RGL1: variants seen among roughly 807,000 people sequenced by gnomAD.
The protein encoded by RGL1 is ral guanine nucleotide dissociation stimulator like 1.
A neutral mutation model predicts 95.2 loss-of-function variants in RGL1; 24 were observed. The observed-to-expected ratio is 0.25, with a 90% CI of 0.18 to 0.35. The LOEUF (loss-of-function observed/expected upper bound fraction) is 0.35. Ranked by LOEUF, RGL1 falls within the 10% of genes least tolerant of loss-of-function variation. The pLI is 1.00. For synonymous variants in RGL1, 329 were observed against 344.9 expected, an observed-to-expected ratio of 0.95 and a Z score of 0.51; for missense variants, 715 against 936.3, an observed-to-expected ratio of 0.76 and a Z score of 3.08.
Position 183,904,761 on chromosome 1 carries a change from G to C in RGL1, c.1351-89G>C, listed in dbSNP as rs559603659. 1,059 of 1,319,216 alleles carry C rather than the reference G, an allele frequency of 8.0e-4. 7 individuals carry two copies. The Middle Eastern group carries it at 0.019, about 24-fold the overall frequency. The allele number at this position is 1,319,216 out of a possible 1,614,324, so 81.7% of individuals were successfully genotyped here. On this transcript the variant is annotated intron_variant, in intron 12 of 17. Coordinates refer to ENST00000360851, the MANE Select transcript of RGL1 (RefSeq NM_001297671.3). ...TTTTCTTCATCTTTTATCCTAATGTGGTATATTTTCATGTTGAAAGATTCT... is the reference window on the plus strand; with the variant it reads ...TTTTCTTCATCTTTTATCCTAATGTCGTATATTTTCATGTTGAAAGATTCT...
chr1:183,737,140 A>T (rs10911427), intron 1 of RGL1, among the ~76,000 whole-genome samples: 1 of 152,172 alleles, frequency 6.6e-6, no homozygotes, highest in East Asian at 1.9e-4. Context: ...TTTTAAAGCC[A>T]TGTTTCAAAA....
chr1:183,856,638 T>TTATA (rs769070124), intron 3 of RGL1, among the ~76,000 whole-genome samples: 1 of 147,672 alleles, frequency 6.8e-6, no homozygotes, highest in East Asian at 2.0e-4. Flanking sequence ...ATATATATTT[T>TTATA]TATATATATA....
At chr1:183,846,871 C>T (rs1664479172) in intron 2 of RGL1, among the ~76,000 whole-genome samples, 1 of 151,812 alleles carries the variant, frequency 6.6e-6, no homozygotes. Context: ...CAAAGCGAGA[C>T]TCCATCTCAA....
intron 2 of RGL1, among the ~76,000 whole-genome samples, chr1:183,791,257 A>C (rs980716928): frequency 6.6e-6 from 1 of 152,232 alleles, no homozygotes; most frequent in Non-Finnish European, 1.5e-5. Context: ...ATGAGATATT[A>C]TCTGATTTTT....
chr1:183,872,490 C>T (rs1009852438), intron 4 of RGL1, among the ~76,000 whole-genome samples: 1 of 152,128 alleles, frequency 6.6e-6, no homozygotes, highest in Non-Finnish European at 1.5e-5. Flanking sequence ...AACTCTCTAC[C>T]ATAGTACTAC....
At chr1:183,789,042 A>T (rs924537032) in intron 2 of RGL1, among the ~76,000 whole-genome samples, 5 of 152,214 alleles carry the variant, frequency 3.3e-5, no homozygotes, top group Admixed American at 2.6e-4. Flanking sequence ...ATACTGTAAT[A>T]GGAGGTTTTC....
intron 1 of RGL1, among the ~76,000 whole-genome samples, chr1:183,651,120 T>C (rs1650719172): frequency 6.6e-6 from 1 of 152,218 alleles, no homozygotes; most frequent in African/African-American, 2.4e-5. Context: ...TTTACATTTT[T>C]ATGTGGTCCA....
chr1:183,785,623 C>A (rs1572409271), intron 2 of RGL1, among the ~76,000 whole-genome samples: 1 of 152,162 alleles, frequency 6.6e-6, no homozygotes, highest in African/African-American at 2.4e-5. Context: ...TAGCTGCTTG[C>A]ATGATTGTAT....
chr1:183,648,819 A>G lies in RGL1; in HGVS notation c.-33+12318A>G. 3 of 1,488,508 alleles carry G rather than the reference A, an allele frequency of 2.0e-6. No individual in the cohort carries two copies. The East Asian group carries it at 6.8e-5, about 34-fold the overall frequency. 92.2% of individuals were successfully genotyped at this position (1,488,508 alleles called of 1,614,324 possible). On this transcript the variant is annotated intron_variant, in intron 1 of 18. Transcript: ENST00000304685. ...TGTCTTCTAGCTGCAAACCTAAACA[A>G]GGAAGAGAAATTACATATAAAACCA...
chr1:183,701,914 G>C (rs1006371298), intron 1 of RGL1, among the ~76,000 whole-genome samples: 14 of 152,120 alleles, frequency 9.2e-5, no homozygotes, highest in African/African-American at 3.4e-4. Flanking sequence ...TCCAGCCTGG[G>C]TGACAGACCA....
intron 1 of RGL1, among the ~76,000 whole-genome samples, chr1:183,699,423 G>A (rs1169366575): frequency 6.6e-6 from 1 of 152,098 alleles, no homozygotes; most frequent in Non-Finnish European, 1.5e-5. Flanking sequence ...GTCCTCTAAG[G>A]AATGTTCTAG....
At chr1:183,723,906 CT>C (rs1342822605) in intron 1 of RGL1, among the ~76,000 whole-genome samples, 1 of 152,134 alleles carries the variant, frequency 6.6e-6, no homozygotes, top group Non-Finnish European at 1.5e-5. Flanking sequence ...CTCCTTCTTT[CT>C]GCTTGAAGAA....
chr1:183,720,486 G>A (rs147855453), intron 1 of RGL1, among the ~76,000 whole-genome samples: 3 of 152,294 alleles, frequency 2.0e-5, no homozygotes, highest in East Asian at 1.9e-4. Flanking sequence ...CTGACCCAGC[G>A]GTGCTGCCAA....
intron 1 of RGL1, among the ~76,000 whole-genome samples, chr1:183,643,283 T>A (rs943270665): frequency 6.6e-6 from 1 of 150,384 alleles, no homozygotes; most frequent in African/African-American, 2.4e-5. Flanking sequence ...TATTTATTTA[T>A]TTATTTATTT....
At chr1:183,777,450 G>C (rs1392613343) in intron 2 of RGL1, among the ~76,000 whole-genome samples, 1 of 152,128 alleles carries the variant, frequency 6.6e-6, no homozygotes, top group Non-Finnish European at 1.5e-5. Flanking sequence ...AGTTGCTCTG[G>C]GGCAGGGATG....
chr1:183,902,383 T>C (rs952606193), intron 11 of RGL1, among the ~76,000 whole-genome samples, 185 bp from the exon 12 acceptor site: 9 of 152,224 alleles, frequency 5.9e-5, no homozygotes, highest in African/African-American at 2.2e-4. Context: ...TTATCCTGCC[T>C]TATAATAATA....
intron 16 of RGL1, among the ~76,000 whole-genome samples, chr1:183,921,312 A>G (rs1040659892): frequency 1.3e-5 from 2 of 152,242 alleles, no homozygotes; most frequent in African/African-American, 2.4e-5. Flanking sequence ...AGTTTTAATA[A>G]CTATATATAT....
At chr1:183,700,892 C>T (rs1292804633) in intron 1 of RGL1, among the ~76,000 whole-genome samples, 1 of 152,084 alleles carries the variant, frequency 6.6e-6, no homozygotes, top group Non-Finnish European at 1.5e-5. Flanking sequence ...TGTCCTAATG[C>T]TCTCCCTTTC....
At position 183,904,849 on chromosome 1, in the gene RGL1, G is replaced by A. The variant is rs769785591; in HGVS notation, c.1351-1G>A. 1 of 1,602,698 alleles carries A rather than the reference G, an allele frequency of 6.2e-7. No individual in the cohort carries two copies. Among genetic ancestry groups the A allele is most frequent in the Non-Finnish European group, 8.5e-7 (1 of 1,176,220 alleles). On this transcript the variant is annotated splice_acceptor_variant, in intron 12 of 17. Coordinates refer to ENST00000360851, the MANE Select transcript of RGL1 (RefSeq NM_001297671.3). LOFTEE classifies it high-confidence loss of function. ...AATTTTTGGTATTCTGTCTGCTTTA[G>A]GAATTTGAAGTGATTGCCCAGATAA...
Sources: gnomAD v4.1 joint callset for allele counts (sites outside exome capture counted in the v4.1 genomes callset) on GRCh38, gnomAD v4.1.1 for gene constraint, MANE v1.5 for transcripts, NCBI Gene and HGNC (gene_info 2026-07-23, HGNC 2026-07-21) for gene names.